COG4: variants seen among roughly 807,000 people sequenced by gnomAD.
The protein encoded by COG4 is conserved oligomeric Golgi complex subunit 4.
In COG4, 65 loss-of-function variants were observed where a neutral mutation model predicts 95.1. The observed-to-expected ratio is 0.68, with a 90% CI of 0.56 to 0.84. The LOEUF is 0.84. Among genes scored for constraint, COG4 ranks in the 40% least tolerant of loss-of-function variants. The pLI is 0.00. For synonymous variants in COG4, 421 were observed against 374.8 expected, an observed-to-expected ratio of 1.12 and a Z score of -1.42; for missense variants, 1,045 against 989.1, an observed-to-expected ratio of 1.06 and a Z score of -0.76.
chr16:70,480,903 G>A lies in COG4; in HGVS notation c.*107C>T, dbSNP rs1597649813. 2.2e-6 allele frequency: 3 copies of A among 1,341,746 alleles called. No homozygotes were observed. The highest frequency in any genetic ancestry group is 1.2e-5 in the South Asian group (1 of 84,952). The allele number at this position is 1,341,746 out of a possible 1,614,324, so 83.1% of individuals were successfully genotyped here. On this transcript the variant is annotated 3_prime_UTR_variant, in exon 19 of 19. Coordinates refer to ENST00000323786, the MANE Select transcript of COG4 (RefSeq NM_015386.3). The stretch of plus-strand genomic sequence containing the variant: ...TGCTGCCAGCCGTAGAAAGGTCTGG[G>A]CTGTCAGATCTCCCCCAAGCCAGAC...
chr16:70,499,031 C>T (rs2049396115), intron 9 of COG4, among the ~76,000 whole-genome samples: 1 of 152,070 alleles, frequency 6.6e-6, no homozygotes, highest in African/African-American at 2.4e-5. Flanking sequence ...GCCTGGGCAA[C>T]ACAGCAATAC....
At chr16:70,520,923 G>T (rs995038568) in intron 1 of COG4, among the ~76,000 whole-genome samples, 1 of 152,198 alleles carries the variant, frequency 6.6e-6, no homozygotes, top group African/African-American at 2.4e-5. Flanking sequence ...AACATGGTAT[G>T]TGGCATATAG....
At chr16:70,482,540 T>C in intron 15 of COG4, 189 bp downstream of exon 15, 1 of 656,560 alleles carries the variant, frequency 1.5e-6, no homozygotes, top group South Asian at 1.7e-5. Context: ...AAACTCCATG[T>C]CTTTCTGAGC....
At chr16:70,520,744 G>C (rs1277304137) in intron 1 of COG4, among the ~76,000 whole-genome samples, 2 of 152,054 alleles carry the variant, frequency 1.3e-5, no homozygotes, top group African/African-American at 4.8e-5. Context: ...TGCATAGTCA[G>C]TAGCCAGGGG....
intron 8 of COG4, among the ~76,000 whole-genome samples, chr16:70,504,648 C>G (rs2049523185): frequency 6.8e-6 from 1 of 147,826 alleles, no homozygotes; most frequent in Non-Finnish European, 1.5e-5. Flanking sequence ...CATGGTGGCT[C>G]ACTCCTGTAA....
chr16:70,488,771 G>A (rs1321843490), intron 13 of COG4, among the ~76,000 whole-genome samples: 2 of 150,096 alleles, frequency 1.3e-5, no homozygotes, highest in Non-Finnish European at 3.0e-5. Context: ...GACCGGTCTC[G>A]AATTCCTGAC....
chr16:70,485,588 T>G (rs1157558998), intron 13 of COG4, among the ~76,000 whole-genome samples: 4 of 107,060 alleles, frequency 3.7e-5, no homozygotes, highest in African/African-American at 2.6e-4. Context: ...GTTTTTTTTG[T>G]TTTTTTTTTT....
chr16:70,498,187 A>G, intron 9 of COG4, 132 bp from the exon 10 acceptor site: 1 of 670,552 alleles, frequency 1.5e-6, no homozygotes, highest in Non-Finnish European at 2.7e-6. Context: ...TACAATCATG[A>G]TACAGATAGC....
intron 13 of COG4, among the ~76,000 whole-genome samples, chr16:70,486,279 T>C (rs1384032025): frequency 6.6e-6 from 1 of 152,140 alleles, no homozygotes; most frequent in African/African-American, 2.4e-5. Context: ...ATGTTTTGGG[T>C]TGCCAGGAGC....
intron 12 of COG4, among the ~76,000 whole-genome samples, chr16:70,494,035 G>A (rs527592617): frequency 3.3e-5 from 5 of 152,200 alleles, no homozygotes; most frequent in Middle Eastern, 6.8e-3. Flanking sequence ...TTCCCTTGTC[G>A]GTGTCCTGCA....
chr16:70,481,115 G>T lies in COG4; in HGVS notation c.2265C>A (p.Pro755=). 6.2e-7 allele frequency: 1 copy of T among 1,613,548 alleles called. No individual in the cohort carries two copies. The highest frequency in any genetic ancestry group is 8.5e-7 in the Non-Finnish European group (1 of 1,180,026). ...RVTEILDYWG[P]NSGPLTWRLT... is the part of the protein sequence containing the mutation. ...GGCGCCACGTCAATGGGCCGGAATT[G>T]GGTCCCCAGTAATCGAGGATCTCGG... Residue 755 remains proline (P), a synonymous_variant, in exon 19 of 19, where the codon CCC becomes CCA. Transcript: ENST00000323786.
intron 13 of COG4, among the ~76,000 whole-genome samples, chr16:70,486,778 C>T (rs1392276711): frequency 1.3e-5 from 2 of 152,024 alleles, no homozygotes; most frequent in African/African-American, 4.8e-5. Context: ...GGGCAGATCA[C>T]GAGGTGAAGA....
intron 13 of COG4, among the ~76,000 whole-genome samples, chr16:70,489,418 C>A (rs553200957): frequency 6.6e-6 from 1 of 151,594 alleles, no homozygotes; most frequent in Non-Finnish European, 1.5e-5. Context: ...GGGGTTTCAC[C>A]ATCTTGGCCA....
chr16:70,484,116 T>C, intron 13 of COG4, 147 bp from the exon 14 acceptor site: 1 of 699,696 alleles, frequency 1.4e-6, no homozygotes, highest in South Asian at 1.5e-5. Flanking sequence ...ATCCTGGTGG[T>C]TATCCACTTG....
chr16:70,497,560 GGT>G (rs954471594), intron 10 of COG4, among the ~76,000 whole-genome samples, 173 bp from the exon 11 acceptor site: 3 of 152,158 alleles, frequency 2.0e-5, no homozygotes, highest in African/African-American at 7.2e-5. Context: ...TTGATCACTA[GGT>G]GAACAAATTA....
At chr16:70,513,319 TTA>T (rs1314301239) in intron 4 of COG4, among the ~76,000 whole-genome samples, 1 of 152,192 alleles carries the variant, frequency 6.6e-6, no homozygotes, top group Admixed American at 6.5e-5. Flanking sequence ...GAATTTCATT[TTA>T]TGAGTAGGCA....
At chr16:70,519,121 T>TAACAAGGTGTGATGCTGG (rs1597693605) in intron 2 of COG4, among the ~76,000 whole-genome samples, 2 of 89,972 alleles carry the variant, frequency 2.2e-5, no homozygotes. Flanking sequence ...TTTGCATTTC[T>TAACAAGGTGTGATGCTGG]TTTTTTTTTT....
intron 13 of COG4, among the ~76,000 whole-genome samples, chr16:70,488,060 G>C (rs1434629193): frequency 6.6e-6 from 1 of 151,968 alleles, no homozygotes; most frequent in Non-Finnish European, 1.5e-5. Flanking sequence ...CCTGACCTCA[G>C]GTAATCCTCC....
At chr16:70,492,734 G>A (rs1376280163) in intron 12 of COG4, among the ~76,000 whole-genome samples, 3 of 151,556 alleles carry the variant, frequency 2.0e-5, no homozygotes, top group East Asian at 1.9e-4. Context: ...AGGCTGAGAC[G>A]GGTGGATCAC....
Sources: allele counts gnomAD v4.1 joint callset (sites outside exome capture counted in the v4.1 genomes callset), GRCh38; gene constraint gnomAD v4.1.1; transcripts MANE v1.5; gene names NCBI Gene and HGNC (gene_info 2026-07-23, HGNC 2026-07-21).